BBOX1: variants seen among roughly 807,000 people sequenced by gnomAD.
BBOX1 encodes the protein gamma-butyrobetaine hydroxylase 1.
Under a neutral mutation model 41.6 loss-of-function variants are expected in BBOX1, and 35 were observed. The observed-to-expected ratio is 0.84, with a 90% CI of 0.64 to 1.11. The LOEUF (loss-of-function observed/expected upper bound fraction) is 1.11. BBOX1 is among the 50% of genes most tolerant of loss of function. BBOX1 has a pLI of 0.00. For synonymous variants in BBOX1, 163 were observed against 154.7 expected (o/e 1.05, Z -0.40); for missense variants, 458 against 460.6 (o/e 0.99, Z 0.05).
At chr11:27,046,918 A>T (rs1439846259) in intron 2 of BBOX1, among the ~76,000 whole-genome samples, 1 of 148,528 alleles carries the variant, frequency 6.7e-6, no homozygotes, top group African/African-American at 2.4e-5. Flanking sequence ...ATGATCTGCA[A>T]TTTTTTTTTT....
chr11:27,105,888 G>A (rs1858848324), intron 5 of BBOX1, among the ~76,000 whole-genome samples: 1 of 152,078 alleles, frequency 6.6e-6, no homozygotes, highest in African/African-American at 2.4e-5. Context: ...CTAAGAGTGG[G>A]TCTCTCGGCA....
intron 4 of BBOX1, among the ~76,000 whole-genome samples, chr11:27,092,507 C>T (rs140072004): frequency 8.5e-5 from 13 of 152,090 alleles, no homozygotes; most frequent in African/African-American, 3.1e-4. Flanking sequence ...CTCAATTAAG[C>T]ATTTTTATGA....
At chr11:27,106,157 T>C (rs1858857403) in intron 5 of BBOX1, among the ~76,000 whole-genome samples, 1 of 152,028 alleles carries the variant, frequency 6.6e-6, no homozygotes, top group Non-Finnish European at 1.5e-5. Flanking sequence ...GTAAAGACCA[T>C]CGATGTTAGG....
chr11:27,101,356 T>G (rs534232047), intron 5 of BBOX1, among the ~76,000 whole-genome samples: 130 of 152,216 alleles, frequency 8.5e-4, no homozygotes, highest in African/African-American at 3.0e-3. Flanking sequence ...TCAGAAAACA[T>G]TTTATTCAAT....
At chr11:27,080,669 T>C (rs1322401549) in intron 4 of BBOX1, among the ~76,000 whole-genome samples, 1 of 152,126 alleles carries the variant, frequency 6.6e-6, no homozygotes, top group Non-Finnish European at 1.5e-5. Flanking sequence ...GATGTGGTGG[T>C]AGCACTGTAT....
rs559680700 is a variant in BBOX1 at position 27,049,893 on chromosome 11, C to T, written c.-38-5500C>T. Among the ~76,000 whole-genome samples, 130 of 151,906 alleles carry T rather than the reference C, an allele frequency of 8.6e-4. 1 individual carries two copies. Among genetic ancestry groups the T allele is most frequent in the Non-Finnish European group, 1.3e-3 (88 of 67,948 alleles). ...ATTTGTTTATTTTTGCTTTTGTTGC[C>T]TGTTCATTTGGGTTCATATCCAAAA... On this transcript the variant is annotated intron_variant, in intron 2 of 8. Transcript: ENST00000263182.
chr11:27,109,928 T>C (rs1380710493), intron 5 of BBOX1, among the ~76,000 whole-genome samples: 1 of 152,008 alleles, frequency 6.6e-6, no homozygotes, highest in Non-Finnish European at 1.5e-5. Flanking sequence ...GGAGATTTTA[T>C]AAAAAGCACT....
intron 4 of BBOX1, among the ~76,000 whole-genome samples, chr11:27,074,190 C>T (rs1564964866): frequency 1.3e-5 from 2 of 152,048 alleles, no homozygotes; most frequent in Non-Finnish European, 2.9e-5. Context: ...GTCATGCTTC[C>T]TATAAGCCTG....
chr11:27,049,802 T>C (rs1036770647), intron 2 of BBOX1, among the ~76,000 whole-genome samples: 2 of 152,154 alleles, frequency 1.3e-5, no homozygotes, highest in African/African-American at 4.8e-5. Flanking sequence ...TCTCATTTTT[T>C]AGGCTGTCTC....
intron 2 of BBOX1, among the ~76,000 whole-genome samples, chr11:27,049,139 G>T (rs566778882): frequency 1.3e-5 from 2 of 151,598 alleles, no homozygotes; most frequent in South Asian, 2.1e-4. Flanking sequence ...GTTATTTGGG[G>T]GGGGGGAACT....
At chr11:27,069,589 T>A (rs1046685516) in intron 4 of BBOX1, among the ~76,000 whole-genome samples, 1 of 152,088 alleles carries the variant, frequency 6.6e-6, no homozygotes, top group Admixed American at 6.5e-5. Context: ...TTACCCAAGC[T>A]ATGACTTGCA....
intron 4 of BBOX1, among the ~76,000 whole-genome samples, chr11:27,063,226 C>T (rs1857183881): frequency 6.6e-6 from 1 of 152,032 alleles, no homozygotes; most frequent in Admixed American, 6.5e-5. Context: ...TACATGTTTC[C>T]AAACATATGG....
chr11:27,087,338 C>T (rs1430946890), intron 4 of BBOX1, among the ~76,000 whole-genome samples: 1 of 152,070 alleles, frequency 6.6e-6, no homozygotes, highest in Non-Finnish European at 1.5e-5. Context: ...CACCAACTTC[C>T]ACTCTGATCA....
intron 2 of BBOX1, 66 bp from the exon 3 acceptor site, chr11:27,055,325 TCA>T: frequency 9.0e-7 from 1 of 1,113,782 alleles, no homozygotes; most frequent in Non-Finnish European, 1.3e-6. Context: ...CTTGAAGTGT[TCA>T]CACTCTCAGA....
intron 5 of BBOX1, among the ~76,000 whole-genome samples, chr11:27,098,378 G>C (rs990468330): frequency 6.6e-6 from 1 of 151,892 alleles, no homozygotes; most frequent in East Asian, 1.9e-4. Flanking sequence ...TCAAATGAAC[G>C]AGTTTTGCAC....
chr11:27,071,711 G>T (rs559036549), intron 4 of BBOX1, among the ~76,000 whole-genome samples: 2 of 152,244 alleles, frequency 1.3e-5, no homozygotes, highest in Admixed American at 1.3e-4. Flanking sequence ...ACATCAAAAA[G>T]CTTATCCACC....
At chr11:27,071,276 G>A (rs1237939482) in intron 4 of BBOX1, among the ~76,000 whole-genome samples, 1 of 151,912 alleles carries the variant, frequency 6.6e-6, no homozygotes, top group African/African-American at 2.4e-5. Flanking sequence ...CAGCTACTAG[G>A]GAGGCTGAGG....
At chr11:27,057,668 C>T (rs1479407106) in intron 4 of BBOX1, among the ~76,000 whole-genome samples, 3 of 152,114 alleles carry the variant, frequency 2.0e-5, no homozygotes, top group Non-Finnish European at 4.4e-5. Flanking sequence ...ACAATTTTGT[C>T]TAAGGCCAGA....
Position 27,125,801 on chromosome 11 carries a change from T to C in BBOX1, c.984T>C (p.Phe328=), listed in dbSNP as rs142869422. Residue 328 remains phenylalanine (F), a synonymous_variant, in exon 8 of 9, where the codon TTT becomes TTC. Transcript: ENST00000263182. The stretch of plus-strand genomic sequence containing the variant: ...TCATGAACAGCAAAGAATCCAAGTT[T>C]ACCTTCAAGATGAATCCAGGTCAGT... ...VDLMNSKESK[F]TFKMNPGDVI... is the part of the protein sequence containing the mutation. 115 of 1,610,452 alleles carry C rather than the reference T, an allele frequency of 7.1e-5. No homozygotes were observed. In the African/African-American group the frequency reaches 9.1e-4, roughly 13 times the overall value.
Sources: gnomAD v4.1 joint callset for allele counts (sites outside exome capture counted in the v4.1 genomes callset) on GRCh38, gnomAD v4.1.1 for gene constraint, MANE v1.5 for transcripts, NCBI Gene and HGNC (gene_info 2026-07-23, HGNC 2026-07-21) for gene names.